ZBTB7C: variants seen among roughly 807,000 people sequenced by gnomAD.
The protein encoded by ZBTB7C is zinc finger and BTB domain-containing protein 7C.
ZBTB7C carries 8 observed loss-of-function variants against 25.7 expected under a neutral mutation model. That is an observed-to-expected ratio of 0.31 (90% confidence interval 0.18 to 0.56). ZBTB7C has a LOEUF of 0.56. Among genes scored for constraint, ZBTB7C ranks in the 20% least tolerant of loss-of-function variants. The probability of loss-of-function intolerance (pLI) is 0.91; values close to 1 mark genes in which losing one functional copy is unlikely to be tolerated. For missense variants in ZBTB7C, 824 were observed against 855.2 expected (o/e 0.96, Z 0.46); for synonymous variants, 394 against 369.0 (o/e 1.07, Z -0.78).
At chr18:48,107,789 C>A (rs954268899) in intron 3 of ZBTB7C, among the ~76,000 whole-genome samples, 3 of 152,122 alleles carry the variant, frequency 2.0e-5, no homozygotes, top group African/African-American at 7.2e-5. Flanking sequence ...GAGCTTGTCT[C>A]AAGTGCTGAG....
chr18:48,269,818 G>A (rs558234046), intron 2 of ZBTB7C, among the ~76,000 whole-genome samples: 1 of 152,312 alleles, frequency 6.6e-6, no homozygotes, highest in Admixed American at 6.5e-5. Flanking sequence ...ATTCCTTGGT[G>A]ATTTCCTTCT....
intron 3 of ZBTB7C, among the ~76,000 whole-genome samples, chr18:48,046,547 G>T (rs1423331086): frequency 1.3e-5 from 2 of 152,218 alleles, no homozygotes; most frequent in African/African-American, 4.8e-5. Flanking sequence ...TTCCTTTAGA[G>T]ATGAAAATGT....
chr18:48,047,676 C>T (rs940751506), intron 3 of ZBTB7C, among the ~76,000 whole-genome samples: 1 of 152,108 alleles, frequency 6.6e-6, no homozygotes, highest in Non-Finnish European at 1.5e-5. Flanking sequence ...TCAGTTTGTT[C>T]AACTGTAAAA....
At chr18:48,201,246 A>G (rs1463544140) in intron 2 of ZBTB7C, among the ~76,000 whole-genome samples, 1 of 152,174 alleles carries the variant, frequency 6.6e-6, no homozygotes, top group East Asian at 1.9e-4. Context: ...AGAATCACCT[A>G]CTTTAGAATT....
At chr18:48,154,880 C>T (rs1568262405) in intron 3 of ZBTB7C, among the ~76,000 whole-genome samples, 2 of 152,204 alleles carry the variant, frequency 1.3e-5, no homozygotes, top group South Asian at 4.1e-4. Flanking sequence ...AAGTCCTAGT[C>T]TCTTTATGGG....
chr18:48,135,883 C>G (rs1192573627), intron 3 of ZBTB7C, among the ~76,000 whole-genome samples: 1 of 152,276 alleles, frequency 6.6e-6, no homozygotes, highest in African/African-American at 2.4e-5. Flanking sequence ...CAATAAGTCG[C>G]TGGAGTGGGG....
chr18:48,225,967 G>C (rs1029720468), intron 2 of ZBTB7C, among the ~76,000 whole-genome samples: 1 of 152,138 alleles, frequency 6.6e-6, no homozygotes, highest in African/African-American at 2.4e-5. Context: ...GGTCTCGATC[G>C]CTTGACCTCG....
rs1249322010 is a variant in ZBTB7C at position 48,027,348 on chromosome 18, T to G, written c.*1912A>C. 1 of 151,128 alleles carries G rather than the reference T, an allele frequency of 6.6e-6. No individual in the cohort carries two copies. The highest frequency in any genetic ancestry group is 6.6e-5 in the Admixed American group (1 of 15,056). 9.4% of individuals were successfully genotyped at this position (151,128 alleles called of 1,614,324 possible). ...AGCCCCAACACCACTGGATTCCAAT[T>G]TATTCATGTTTCCTTTTTTTTTTTT... On this transcript the variant is annotated 3_prime_UTR_variant, in exon 5 of 5. Transcript: ENST00000590800.
intron 2 of ZBTB7C, among the ~76,000 whole-genome samples, chr18:48,200,435 C>T (rs2042414173): frequency 6.6e-6 from 1 of 152,086 alleles, no homozygotes; most frequent in Admixed American, 6.5e-5. Context: ...CAGACTCAGT[C>T]CACAGTGGTA....
Position 48,027,853 on chromosome 18 carries a change from G to C in ZBTB7C, c.*1407C>G, listed in dbSNP as rs2035576557. The C allele has an allele frequency of 6.6e-6, 1 of 152,262 alleles. No homozygotes were observed. The highest frequency in any genetic ancestry group is 2.4e-5 in the African/African-American group (1 of 41,442). The allele number at this position is 152,262 out of a possible 1,614,324, so 9.4% of individuals were successfully genotyped here. On this transcript the variant is annotated 3_prime_UTR_variant, in exon 5 of 5. Coordinates refer to ENST00000590800, the MANE Select transcript of ZBTB7C (RefSeq NM_001318841.2). The stretch of plus-strand genomic sequence containing the variant: ...GGGAAGGAGAGAGAAGGTCAGGAAG[G>C]CACGGGGCCAGCAGAGCCTTCCTTT...
chr18:48,138,175 G>A (rs914327465), intron 3 of ZBTB7C, among the ~76,000 whole-genome samples: 1 of 152,230 alleles, frequency 6.6e-6, no homozygotes, highest in Middle Eastern at 3.2e-3. Flanking sequence ...ACTCTTCTCC[G>A]GCAGGCCATG....
chr18:48,248,426 C>T (rs891743643), intron 2 of ZBTB7C, among the ~76,000 whole-genome samples: 1 of 152,168 alleles, frequency 6.6e-6, no homozygotes, highest in African/African-American at 2.4e-5. Flanking sequence ...GTCATCTCAT[C>T]CAGGTCTGCT....
At chr18:48,095,966 A>G (rs2038616115) in intron 3 of ZBTB7C, among the ~76,000 whole-genome samples, 1 of 152,140 alleles carries the variant, frequency 6.6e-6, no homozygotes, top group African/African-American at 2.4e-5. Flanking sequence ...AGGAGGCTGC[A>G]AGCAGGCAGT....
In ZBTB7C at chr18:48,302,712, C is replaced by T. The variant is rs189914564; in HGVS notation, c.-79+35462G>A. ...TTCTCATGTGGTTCTCACAACATCCCTCCACAAAGGCCTTTCCCCCAAAAA... is the reference window on the plus strand; with the variant it reads ...TTCTCATGTGGTTCTCACAACATCCTTCCACAAAGGCCTTTCCCCCAAAAA... On this transcript the variant is annotated intron_variant, in intron 2 of 4. Coordinates refer to ENST00000590800, the MANE Select transcript of ZBTB7C (RefSeq NM_001318841.2). Among the ~76,000 whole-genome samples, 356 of 152,314 alleles carry T rather than the reference C, an allele frequency of 2.3e-3. 5 individuals are homozygous for T. The highest frequency in any genetic ancestry group is 8.3e-3 in the African/African-American group (345 of 41,558).
chr18:48,336,471 G>A (rs534131704), intron 2 of ZBTB7C, among the ~76,000 whole-genome samples: 15 of 152,222 alleles, frequency 9.9e-5, no homozygotes, highest in Middle Eastern at 3.4e-3. Flanking sequence ...AGATAGTATC[G>A]TCCCTGTTTT....
intron 4 of ZBTB7C, 150 bp from the exon 5 acceptor site, chr18:48,030,061 A>G (rs2035679081): frequency 1.0e-6 from 1 of 1,003,572 alleles, no homozygotes; most frequent in East Asian, 2.6e-5. Flanking sequence ...TCTACCCTCA[A>G]CTGCTGCCCC....
chr18:48,376,747 C>T (rs2047528252), intron 1 of ZBTB7C, among the ~76,000 whole-genome samples: 1 of 152,206 alleles, frequency 6.6e-6, no homozygotes, highest in Non-Finnish European at 1.5e-5. Flanking sequence ...TGGCCAAACT[C>T]TGTAAATGCT....
intron 2 of ZBTB7C, among the ~76,000 whole-genome samples, chr18:48,205,702 T>C (rs567816398): frequency 2.2e-3 from 331 of 151,980 alleles, no homozygotes; most frequent in African/African-American, 7.6e-3. Context: ...ATGGCTGAAA[T>C]AAAACATCAA....
intron 3 of ZBTB7C, among the ~76,000 whole-genome samples, chr18:48,085,657 A>T (rs2038165747): frequency 6.6e-6 from 1 of 152,258 alleles, no homozygotes; most frequent in African/African-American, 2.4e-5. Flanking sequence ...CCTGGCTGGC[A>T]GGAAGTACTC....
Sources: allele counts gnomAD v4.1 joint callset (sites outside exome capture counted in the v4.1 genomes callset), GRCh38; gene constraint gnomAD v4.1.1; transcripts MANE v1.5; gene names NCBI Gene and HGNC (gene_info 2026-07-23, HGNC 2026-07-21).